The following GLI3 variants were observed in gnomAD, a reference collection of about 807,000 sequenced individuals.
The protein encoded by GLI3 is transcription activator GLI3.
In GLI3, 20 loss-of-function variants were observed where a neutral mutation model predicts 100.8. The ratio of observed to expected loss-of-function variants is 0.20; its 90% CI spans 0.14 to 0.29. The LOEUF (loss-of-function observed/expected upper bound fraction) is 0.29, where lower values mean the gene tolerates loss of function less well. GLI3 is among the 10% of genes least tolerant of loss of function. GLI3 has a pLI of 1.00. For synonymous variants in GLI3, 938 were observed against 860.5 expected (o/e 1.09, Z -1.58); for missense variants, 2,040 against 2,128.5 (o/e 0.96, Z 0.82).
At chr7:41,994,466 TACCTAGAAACACAGGTTTAAACTTGGC>T (rs1258052010) in intron 10 of GLI3, among the ~76,000 whole-genome samples, 1 of 152,202 alleles carries the variant, frequency 6.6e-6, no homozygotes, top group Non-Finnish European at 1.5e-5. Flanking sequence ...GAAGGCACTT[TACCTAGAAACACAGGTTTAAACTTGGC>T]AATTTAAAAT....
chr7:42,228,947 G>A (rs1358558484), intron 1 of GLI3, among the ~76,000 whole-genome samples: 1 of 152,104 alleles, frequency 6.6e-6, no homozygotes, highest in Non-Finnish European at 1.5e-5. Flanking sequence ...ACAAGTGTGG[G>A]AACGTGAGAA....
In GLI3 at chr7:41,966,740, G is replaced by A. The variant is rs1787196369; in HGVS notation, c.2432-99C>T. On this transcript the variant is annotated intron_variant, in intron 14 of 14. Coordinates refer to ENST00000395925, the MANE Select transcript of GLI3 (RefSeq NM_000168.6). The surrounding 1 kb of genome is among the most constrained non-coding windows in gnomAD (Gnocchi z 5.8). ...ACCCTTTTCTGTAAAGGGCCAGCTAGGAACTATTTCTGGTGTCCCAGGCCA... is the reference window on the plus strand; with the variant it reads ...ACCCTTTTCTGTAAAGGGCCAGCTAAGAACTATTTCTGGTGTCCCAGGCCA... 2.3e-5 allele frequency: 28 copies of A among 1,244,144 alleles called. No individual in the cohort carries two copies. The highest frequency in any genetic ancestry group is 3.0e-5 in the Non-Finnish European group (26 of 858,172). The allele number at this position is 1,244,144 out of a possible 1,614,324, so 77.1% of individuals were successfully genotyped here.
At chr7:42,011,337 C>T (rs936353873) in intron 10 of GLI3, among the ~76,000 whole-genome samples, 3 of 152,214 alleles carry the variant, frequency 2.0e-5, no homozygotes, top group African/African-American at 7.2e-5. Flanking sequence ...ACAGCTTAAA[C>T]CCTGCCATAG....
chr7:42,111,713 T>C (rs1348840877), intron 3 of GLI3, among the ~76,000 whole-genome samples: 7 of 152,184 alleles, frequency 4.6e-5, no homozygotes, highest in African/African-American at 1.7e-4. Context: ...CTAAGCACCT[T>C]TTCTACCAGC....
intron 1 of GLI3, among the ~76,000 whole-genome samples, chr7:42,251,197 A>G (rs890174935): frequency 6.6e-6 from 1 of 152,184 alleles, no homozygotes; most frequent in Non-Finnish European, 1.5e-5. Flanking sequence ...CCTTTTCTGC[A>G]CCAGGGACTG....
intron 4 of GLI3, among the ~76,000 whole-genome samples, chr7:42,075,147 T>C (rs1324264214): frequency 6.6e-6 from 1 of 152,220 alleles, no homozygotes; most frequent in Non-Finnish European, 1.5e-5. Context: ...TTTTTATTGA[T>C]AAATTCATAT....
chr7:42,056,734 T>G (rs1335901729), intron 4 of GLI3, among the ~76,000 whole-genome samples: 5 of 151,940 alleles, frequency 3.3e-5, no homozygotes, highest in Non-Finnish European at 7.4e-5. Context: ...GTGGATCACC[T>G]GAGGTGGAGA....
intron 2 of GLI3, among the ~76,000 whole-genome samples, chr7:42,167,759 T>A (rs1787274024): frequency 6.6e-6 from 1 of 152,214 alleles, no homozygotes; most frequent in Non-Finnish European, 1.5e-5. Flanking sequence ...TAAGTGGATA[T>A]GGCAGAACTT....
chr7:42,170,397 CTTTTT>C (rs1185274818), intron 2 of GLI3, among the ~76,000 whole-genome samples: 3 of 81,086 alleles, frequency 3.7e-5, no homozygotes, highest in East Asian at 6.6e-4. Flanking sequence ...ACTTACTGAT[CTTTTT>C]TTTTTTTTTT....
At chr7:41,998,071 T>C (rs868475187) in intron 10 of GLI3, among the ~76,000 whole-genome samples, 8 of 152,332 alleles carry the variant, frequency 5.3e-5, no homozygotes, top group Middle Eastern at 3.4e-3. Context: ...GGAATTCTTT[T>C]TGGTTCACAT....
chr7:42,095,291 G>A (rs1012065410), intron 3 of GLI3, among the ~76,000 whole-genome samples: 27 of 152,172 alleles, frequency 1.8e-4, no homozygotes, highest in African/African-American at 6.3e-4. Context: ...GCTGCTGCTG[G>A]AGACCCTCCG....
At chr7:42,236,804 G>C (rs1321252119) in intron 1 of GLI3, among the ~76,000 whole-genome samples, 167 bp downstream of exon 1, 1 of 152,204 alleles carries the variant, frequency 6.6e-6, no homozygotes, top group Admixed American at 6.5e-5. Flanking sequence ...TGCAAGCCTT[G>C]CTCGGACGCC....
chr7:42,148,453 C>T lies in GLI3; in HGVS notation c.140G>A (p.Gly47Glu), dbSNP rs1353540751. Residue 47 changes from glycine (G) to glutamate (E), a missense_variant, in exon 3 of 15, where the codon GGA (glycine) becomes GAA (glutamate). Physicochemically the swap from Gly to Glu is moderately conservative, Grantham distance 98. Transcript: ENST00000395925. ...STTSNEDESP[G>E]QTYHRERRNA... is the part of the protein sequence containing the mutation. ...TCTTCTCTCTCTGTGATAAGTCTGT[C>T]CAGGACTTTCATCCTCTAAAGAAAG... is the stretch of plus-strand genomic sequence containing the variant. The T allele has an allele frequency of 6.2e-7, 1 of 1,613,622 alleles. No individual in the cohort carries two copies. The highest frequency in any genetic ancestry group is 1.7e-5 in the Admixed American group (1 of 60,022).
intron 3 of GLI3, among the ~76,000 whole-genome samples, chr7:42,144,496 G>A (rs910730248): frequency 6.6e-6 from 1 of 152,036 alleles, no homozygotes; most frequent in Non-Finnish European, 1.5e-5. Context: ...CTAAACATAT[G>A]CTGTGAATGT....
intron 2 of GLI3, among the ~76,000 whole-genome samples, chr7:42,200,864 A>G (rs1294659272): frequency 6.6e-6 from 1 of 152,218 alleles, no homozygotes; most frequent in African/African-American, 2.4e-5. Flanking sequence ...GCAAAAACAC[A>G]GGACAGACTG....
At chr7:42,223,005 A>C in intron 2 of GLI3, 125 bp downstream of exon 2, 55 of 950,066 alleles carry the variant, frequency 5.8e-5, no homozygotes, top group Middle Eastern at 3.4e-4. Flanking sequence ...CCCCTGCTCC[A>C]TTTGCTTTCT....
At chr7:42,083,491 T>C (rs1482044721) in intron 3 of GLI3, among the ~76,000 whole-genome samples, 2 of 152,236 alleles carry the variant, frequency 1.3e-5, no homozygotes, top group African/African-American at 4.8e-5. Context: ...AATACTGCCA[T>C]ACTTATTTGT....
At chr7:42,237,827 T>G (rs1788849285), upstream of GLI3, 1 of 151,330 alleles carries the variant, frequency 6.6e-6, no homozygotes, top group South Asian at 2.1e-4. Context: ...GAGCCCCCGC[T>G]TCTCCCGCCC....
chr7:41,965,559 G>A lies in GLI3; in HGVS notation c.3514C>T (p.Leu1172=), dbSNP rs761887854. The change falls in exon 15 of 15, where the codon CTG becomes TTG. Residue 1172 remains leucine (L), a synonymous_variant. Transcript: ENST00000395925. ...CCACACTTGAGCTTGGAGGAGGACA[G>A]GTCGGCGCTTCCGGAGCTGACTTCG... The part of the protein sequence containing the change: ...WNEVSSGSAD[L]SSSKLKCGPR... The A allele has an allele frequency of 1.2e-6, 2 of 1,605,286 alleles. No individual in the cohort carries two copies. Among genetic ancestry groups the A allele is most frequent in the African/African-American group, 2.7e-5 (2 of 74,726 alleles).
Sources: allele counts gnomAD v4.1 joint callset (sites outside exome capture counted in the v4.1 genomes callset), GRCh38; gene constraint gnomAD v4.1.1; non-coding constraint Gnocchi (gnomAD v3.1); transcripts MANE v1.5; gene names NCBI Gene and HGNC (gene_info 2026-07-23, HGNC 2026-07-21).